Variants in CHD6 observed in about 807,000 individuals in gnomAD.
CHD6 encodes ATP-dependent chromatin remodeler CHD6.
A neutral mutation model predicts 276.9 loss-of-function variants in CHD6; 50 were observed. The observed-to-expected ratio is 0.18, with a 90% CI of 0.14 to 0.23. The LOEUF is 0.23. Ranked by LOEUF, CHD6 falls within the 10% of genes least tolerant of loss-of-function variation. The pLI is 1.00. For synonymous variants in CHD6, 1,173 were observed against 1,229.3 expected, an observed-to-expected ratio of 0.95 and a Z score of 0.96; for missense variants, 2,564 against 3,365.8, an observed-to-expected ratio of 0.76 and a Z score of 5.89.
At chr20:41,499,620 A>G (rs1443423458) in intron 5 of CHD6, among the ~76,000 whole-genome samples, 1 of 152,186 alleles carries the variant, frequency 6.6e-6, no homozygotes, top group African/African-American at 2.4e-5. Context: ...TGCATTTAAC[A>G]TACCTAAAAT....
intron 1 of CHD6, among the ~76,000 whole-genome samples, chr20:41,609,576 A>G (rs551606301): frequency 3.7e-4 from 57 of 152,300 alleles, no homozygotes; most frequent in Non-Finnish European, 6.3e-4. Context: ...GCTGCATTAT[A>G]AATTTTGCTA....
chr20:41,452,593 G>T lies in CHD6; in HGVS notation c.3323+147C>A. 1.4e-6 allele frequency: 1 copy of T among 694,054 alleles called. No individual in the cohort carries two copies. The highest frequency in any genetic ancestry group is 2.4e-6 in the Non-Finnish European group (1 of 414,938). 43.0% of individuals were successfully genotyped at this position (694,054 alleles called of 1,614,324 possible). ...GACTGAGACGGATTCTGGGCAGAAG[G>T]CACAGTTCTCTCTTGCTCCAACAGA... is the stretch of plus-strand genomic sequence containing the variant. On this transcript the variant is annotated intron_variant, in intron 21 of 36. Transcript: ENST00000373233. This position sits in a 1 kb window ranked among gnomAD's most constrained non-coding sequence, Gnocchi z 4.2.
chr20:41,507,888 C>A (rs2044015440), intron 5 of CHD6, among the ~76,000 whole-genome samples: 2 of 152,136 alleles, frequency 1.3e-5, no homozygotes, highest in South Asian at 2.1e-4. Flanking sequence ...GGGAGCCTAA[C>A]AAGAAACAAA....
Position 41,473,315 on chromosome 20 carries a change from T to G in CHD6, c.2664+7A>C. ...CTAAGGTAAACAGCAATCATCCTAG[T>G]GGTTACCTGCAAGTCATTTTGTGGG... On this transcript the variant is annotated splice_region_variant and intron_variant, in intron 17 of 36. Coordinates refer to ENST00000373233, the MANE Select transcript of CHD6 (RefSeq NM_032221.5). This position sits in a 1 kb window ranked among gnomAD's most constrained non-coding sequence, Gnocchi z 4.1. 4 of 1,613,588 alleles carry G rather than the reference T, an allele frequency of 2.5e-6. No homozygotes were observed. The highest frequency in any genetic ancestry group is 3.4e-6 in the Non-Finnish European group (4 of 1,179,798).
rs1282744906 is a variant in CHD6 at position 41,563,953 on chromosome 20, A to G, written c.-23-12593T>C. ...TTCAGTTTCAAGAGGTCTCACCAGT[A>G]ACACAAGAACTTTTCACTCATTACA... On this transcript the variant is annotated intron_variant, in intron 1 of 36. Transcript: ENST00000373233. 4.1e-6 allele frequency: 3 copies of G among 724,938 alleles called. No homozygotes were observed. In the African/African-American group the frequency reaches 5.2e-5, roughly 13 times the overall value. The allele number at this position is 724,938 out of a possible 1,614,324, so 44.9% of individuals were successfully genotyped here.
At position 41,404,716 on chromosome 20, in the gene CHD6, A is replaced by G; in HGVS notation, c.8025T>C (p.Cys2675=). ...PNSHPEPAPS[C]EREPSGDENC... Reference sequence around the variant, plus strand: ...TCTCATCACCGCTGGGCTCCCTTTCACAGCTGGGAGCAGGCTCTGGGTGGG... The same window carrying G: ...TCTCATCACCGCTGGGCTCCCTTTCGCAGCTGGGAGCAGGCTCTGGGTGGG... The change falls in exon 37 of 37, where the codon TGT becomes TGC. Residue 2675 remains cysteine (C), a synonymous_variant. Coordinates refer to ENST00000373233, the MANE Select transcript of CHD6 (RefSeq NM_032221.5). The G allele has an allele frequency of 1.9e-6, 3 of 1,599,140 alleles. No homozygotes were observed. The highest frequency in any genetic ancestry group is 2.6e-6 in the Non-Finnish European group (3 of 1,172,686).
At chr20:41,502,052 C>T (rs186230395) in intron 5 of CHD6, among the ~76,000 whole-genome samples, 20 of 152,282 alleles carry the variant, frequency 1.3e-4, no homozygotes, top group East Asian at 5.8e-4. Context: ...ACACAGATTA[C>T]AAACATTTTC....
intron 17 of CHD6, among the ~76,000 whole-genome samples, chr20:41,461,305 T>C (rs2048540516): frequency 6.6e-6 from 1 of 152,104 alleles, no homozygotes. Context: ...AGGCATGAAA[T>C]GTGAAGACAT....
At chr20:41,428,091 C>T (rs2047422063) in intron 27 of CHD6, among the ~76,000 whole-genome samples, 1 of 152,168 alleles carries the variant, frequency 6.6e-6, no homozygotes, top group South Asian at 2.1e-4. Flanking sequence ...ACAGCAAATG[C>T]TAGCTTCCCT....
intron 16 of CHD6, among the ~76,000 whole-genome samples, chr20:41,474,438 A>T (rs751473015): frequency 2.0e-5 from 3 of 152,186 alleles, no homozygotes; most frequent in Non-Finnish European, 4.4e-5. Context: ...TGGGCGTCTT[A>T]TTCTTTTCCT....
At chr20:41,523,922 T>C (rs1023913526) in intron 3 of CHD6, among the ~76,000 whole-genome samples, 2 of 152,212 alleles carry the variant, frequency 1.3e-5, no homozygotes, top group Non-Finnish European at 2.9e-5. Context: ...TTCAAAATGA[T>C]TCATCTTCTC....
intron 1 of CHD6, among the ~76,000 whole-genome samples, chr20:41,608,674 A>C (rs1427841352): frequency 6.6e-6 from 1 of 152,224 alleles, no homozygotes. Context: ...TCCCATTATG[A>C]ATAATGAAAA....
intron 29 of CHD6, among the ~76,000 whole-genome samples, chr20:41,424,614 G>C (rs1337523224): frequency 6.6e-6 from 1 of 152,224 alleles, no homozygotes; most frequent in East Asian, 1.9e-4. Flanking sequence ...ATCAGAAAGA[G>C]AGATATGACT....
chr20:41,479,624 A>T (rs537153542), intron 16 of CHD6, among the ~76,000 whole-genome samples: 1 of 152,300 alleles, frequency 6.6e-6, no homozygotes, highest in East Asian at 1.9e-4. Context: ...ACAGATGAAG[A>T]TAAAAAAATT....
At chr20:41,500,010 CCA>C (rs1310512686) in intron 5 of CHD6, among the ~76,000 whole-genome samples, 1 of 152,118 alleles carries the variant, frequency 6.6e-6, no homozygotes, top group Non-Finnish European at 1.5e-5. Context: ...CCCTAGATAA[CCA>C]TCAACACTTC....
intron 2 of CHD6, among the ~76,000 whole-genome samples, chr20:41,540,575 T>G (rs568844559): frequency 6.6e-6 from 1 of 152,180 alleles, no homozygotes. Context: ...ACTGAGAGAT[T>G]ACATTTGACT....
Position 41,565,214 on chromosome 20 carries a change from G to C in CHD6, c.-23-13854C>G, listed in dbSNP as rs572004664. Among the ~76,000 whole-genome samples, 286 of 151,680 alleles carry C rather than the reference G, an allele frequency of 1.9e-3. 2 individuals are homozygous for C. Among genetic ancestry groups the C allele is most frequent in the Middle Eastern group, 3.4e-3 (1 of 294 alleles). ...TAGATTCAAGCAATTCTCTGCCTCA[G>C]CCTCCCGAGTAGCTGGGATTACAGG... On this transcript the variant is annotated intron_variant, in intron 1 of 36. Transcript: ENST00000373233.
chr20:41,446,272 G>A (rs548349426), intron 24 of CHD6, among the ~76,000 whole-genome samples: 1 of 152,256 alleles, frequency 6.6e-6, no homozygotes, highest in South Asian at 2.1e-4. Context: ...GGAACAAGTC[G>A]GTATATCAGG....
chr20:41,407,323 T>C (rs1421904657), intron 36 of CHD6, among the ~76,000 whole-genome samples: 1 of 152,142 alleles, frequency 6.6e-6, no homozygotes, highest in East Asian at 1.9e-4. Context: ...GATCTGGCTG[T>C]TGCTCTCACT....
Sources: allele counts gnomAD v4.1 joint callset (sites outside exome capture counted in the v4.1 genomes callset), GRCh38; gene constraint gnomAD v4.1.1; non-coding constraint Gnocchi (gnomAD v3.1); transcripts MANE v1.5; gene names NCBI Gene and HGNC (gene_info 2026-07-23, HGNC 2026-07-21).